CCDC171: variants seen among roughly 807,000 people sequenced by gnomAD.
CCDC171 encodes coiled-coil domain containing 171, also known as coiled-coil domain-containing protein 171.
CCDC171 carries 177 observed loss-of-function variants against 168.2 expected under a neutral mutation model. That is an observed-to-expected ratio of 1.05 (90% CI 0.93 to 1.19). The LOEUF (loss-of-function observed/expected upper bound fraction) is 1.19. CCDC171 is among the 50% of genes most tolerant of loss of function. CCDC171 has a pLI of 0.00. For missense variants in CCDC171, 1,991 were observed against 1,539.0 expected, an observed-to-expected ratio of 1.29 and a Z score of -4.91; for synonymous variants, 687 against 540.8, an observed-to-expected ratio of 1.27 and a Z score of -3.75.
chr9:15,590,781 C>CTT (rs748552451), intron 4 of CCDC171, among the ~76,000 whole-genome samples: 1 of 127,782 alleles, frequency 7.8e-6, no homozygotes, highest in East Asian at 2.2e-4. Context: ...CTCTTTCTTT[C>CTT]TTTCTTTCTT....
At chr9:15,929,907 T>G (rs1269212834) in intron 25 of CCDC171, among the ~76,000 whole-genome samples, 1 of 151,858 alleles carries the variant, frequency 6.6e-6, no homozygotes, top group Non-Finnish European at 1.5e-5. Context: ...TGGCATATTC[T>G]GACTCCTTCT....
At chr9:16,067,420 C>G in the CCDC171 span, among the ~76,000 whole-genome samples, 1 of 152,084 alleles carries the variant, frequency 6.6e-6, no homozygotes, top group Admixed American at 6.5e-5. Context: ...GTTTCCTGTT[C>G]ACTCTGATGG....
chr9:16,049,475 T>C (rs1833716395), intron 1 of CCDC171, among the ~76,000 whole-genome samples: 1 of 152,170 alleles, frequency 6.6e-6, no homozygotes, highest in Admixed American at 6.5e-5. Context: ...GCCAGGAGCC[T>C]AAAGAGAACA....
chr9:15,922,246 G>C (rs1450307534), intron 25 of CCDC171: 1 of 313,368 alleles, frequency 3.2e-6, no homozygotes, highest in Non-Finnish European at 7.2e-6. Context: ...GTCTTGACAG[G>C]ATGTGTGCTC....
At chr9:15,913,415 CTCTTT>C (rs1364742622) in intron 24 of CCDC171, among the ~76,000 whole-genome samples, 1 of 152,100 alleles carries the variant, frequency 6.6e-6, no homozygotes, top group East Asian at 1.9e-4. Context: ...TGATTCTTGT[CTCTTT>C]TCTTCTTTAT....
chr9:15,879,882 C>A (rs370607523), intron 24 of CCDC171, among the ~76,000 whole-genome samples: 1 of 152,128 alleles, frequency 6.6e-6, no homozygotes, highest in Admixed American at 6.5e-5. Flanking sequence ...GCTTTTAATA[C>A]ACATTCTCCA....
intron 23 of CCDC171, among the ~76,000 whole-genome samples, chr9:15,872,770 A>G (rs574484824): frequency 9.9e-5 from 15 of 152,154 alleles, no homozygotes; most frequent in African/African-American, 2.9e-4. Context: ...GCAAAACACT[A>G]GTGGTTTGAT....
chr9:15,863,897 T>C (rs1327825536), intron 23 of CCDC171, among the ~76,000 whole-genome samples: 1 of 152,008 alleles, frequency 6.6e-6, no homozygotes, highest in East Asian at 1.9e-4. Flanking sequence ...GCTCTAGTTG[T>C]TGTTTTGTAT....
the CCDC171 span, among the ~76,000 whole-genome samples, chr9:16,089,196 A>G: frequency 6.6e-6 from 1 of 152,028 alleles, no homozygotes; most frequent in Non-Finnish European, 1.5e-5. Flanking sequence ...TTTACATCTT[A>G]TAAAAAATTA....
At chr9:15,921,303 A>C (rs188255044) in intron 25 of CCDC171, among the ~76,000 whole-genome samples, 103 of 151,754 alleles carry the variant, frequency 6.8e-4, no homozygotes, top group African/African-American at 2.3e-3. Context: ...CCAGCGTCCA[A>C]ATAAATCCTT....
At chr9:15,654,718 G>T (rs1284337214) in intron 7 of CCDC171, among the ~76,000 whole-genome samples, 1 of 152,164 alleles carries the variant, frequency 6.6e-6, no homozygotes, top group African/African-American at 2.4e-5. Flanking sequence ...AGCTCCCAGC[G>T]TGAGCGACGC....
rs370198935 is a variant in CCDC171, at chr9:15,681,406, C to T, written c.1215+2510C>T. ...TTTTTCATCTCTCTTAAACTCATAG[C>T]TTTGCGTCTTATTTTCTTCCATCTT... On this transcript the variant is annotated intron_variant, in intron 10 of 25. Transcript: ENST00000380701. Among the ~76,000 whole-genome samples the T allele has an allele frequency of 9.9e-5, 15 of 152,146 alleles. No homozygotes were observed. In the East Asian group the frequency reaches 2.5e-3, roughly 25 times the overall value.
At chr9:16,030,692 T>C (rs1383012538) in intron 6 of CCDC171, among the ~76,000 whole-genome samples, 2 of 152,176 alleles carry the variant, frequency 1.3e-5, no homozygotes, top group Non-Finnish European at 2.9e-5. Flanking sequence ...TCTGGGTTTG[T>C]GACCACAGAA....
intron 1 of CCDC171, among the ~76,000 whole-genome samples, chr9:15,563,231 C>G (rs1026941689): frequency 6.6e-6 from 1 of 151,878 alleles, no homozygotes; most frequent in East Asian, 1.9e-4. Context: ...CTCCGCCTCC[C>G]AGGTTCAAGC....
At chr9:15,699,960 T>A (rs2051573354) in intron 11 of CCDC171, among the ~76,000 whole-genome samples, 1 of 152,238 alleles carries the variant, frequency 6.6e-6, no homozygotes, top group Admixed American at 6.5e-5. Flanking sequence ...CCCACCAGAC[T>A]CAGGAGCCCA....
chr9:15,588,538 G>T, intron 4 of CCDC171: 1 of 347,620 alleles, frequency 2.9e-6, no homozygotes, highest in Non-Finnish European at 5.7e-6. Context: ...TTACAAGGAG[G>T]GGAAGAATCC....
intron 24 of CCDC171, among the ~76,000 whole-genome samples, chr9:15,919,283 A>G (rs922241778): frequency 4.6e-5 from 7 of 151,732 alleles, no homozygotes; most frequent in South Asian, 2.1e-4. Context: ...TACATTTACT[A>G]TATTGTTTCT....
chr9:15,608,814 C>A (rs891850854), intron 6 of CCDC171, among the ~76,000 whole-genome samples: 1 of 149,742 alleles, frequency 6.7e-6, no homozygotes, highest in Non-Finnish European at 1.5e-5. Flanking sequence ...ATATATTAGC[C>A]AGGCGTAGTG....
chr9:16,094,938 G>C, the CCDC171 span, among the ~76,000 whole-genome samples: 1 of 152,110 alleles, frequency 6.6e-6, no homozygotes, highest in East Asian at 1.9e-4. Flanking sequence ...TCTCATGAGG[G>C]TGAGCAAGTT....
Sources: allele counts gnomAD v4.1 joint callset (sites outside exome capture counted in the v4.1 genomes callset), GRCh38; gene constraint gnomAD v4.1.1; transcripts MANE v1.5; gene names NCBI Gene and HGNC (gene_info 2026-07-23, HGNC 2026-07-21).